The following DPP6 variants were observed in gnomAD, a reference collection of about 807,000 sequenced individuals.
DPP6 encodes the protein A-type potassium channel modulatory protein DPP6.
DPP6 carries 69 observed loss-of-function variants against 122.6 expected under a neutral mutation model. The observed-to-expected ratio is 0.56, with a 90% confidence interval of 0.46 to 0.69. The LOEUF (loss-of-function observed/expected upper bound fraction) is 0.69. Ranked by LOEUF, DPP6 falls within the 30% of genes least tolerant of loss-of-function variation. The pLI is 0.00. For missense variants in DPP6, 928 were observed against 1,116.9 expected, an observed-to-expected ratio of 0.83 and a Z score of 2.41; for synonymous variants, 418 against 433.1, an observed-to-expected ratio of 0.97 and a Z score of 0.43.
intron 1 of DPP6, among the ~76,000 whole-genome samples, chr7:154,433,489 G>A (rs904535068): frequency 4.6e-5 from 7 of 151,872 alleles, no homozygotes; most frequent in Admixed American, 4.6e-4. Context: ...TTGTTTATAA[G>A]CGTGTACTGG....
At chr7:154,098,379 A>G (rs11491622) in intron 1 of DPP6, among the ~76,000 whole-genome samples, 5,112 of 151,468 alleles carry the variant, frequency 0.034, 285 homozygotes, top group African/African-American at 0.12. Context: ...ACCCAGTATT[A>G]GGTATGTCTT....
At chr7:153,966,299 A>G (rs1795715173) in intron 1 of DPP6, among the ~76,000 whole-genome samples, 1 of 151,364 alleles carries the variant, frequency 6.6e-6, no homozygotes, top group African/African-American at 2.4e-5. Context: ...ATGTTTGTGC[A>G]TGTGTTCATG....
intron 8 of DPP6, among the ~76,000 whole-genome samples, chr7:154,740,803 C>T (rs1031563233): frequency 6.6e-6 from 1 of 152,178 alleles, no homozygotes; most frequent in Non-Finnish European, 1.5e-5. Context: ...CACCCCCACA[C>T]ACAGGACATT....
intron 6 of DPP6, among the ~76,000 whole-genome samples, chr7:154,664,486 C>A (rs995304849): frequency 1.3e-5 from 2 of 152,102 alleles, no homozygotes; most frequent in Non-Finnish European, 2.9e-5. Flanking sequence ...GCCCTCTGTG[C>A]TTAGAAAATT....
intron 1 of DPP6, among the ~76,000 whole-genome samples, chr7:154,128,126 C>T (rs1240831713): frequency 1.3e-5 from 2 of 150,636 alleles, no homozygotes; most frequent in African/African-American, 4.9e-5. Flanking sequence ...GGCCTCTCTG[C>T]CCCATGCATG....
chr7:154,800,909 G>C (rs1232392914), intron 12 of DPP6, among the ~76,000 whole-genome samples: 1 of 152,224 alleles, frequency 6.6e-6, no homozygotes. Context: ...GTTTGGGATT[G>C]TTGAGAATTA....
chr7:153,819,476 A>T, the DPP6 span, among the ~76,000 whole-genome samples: 2 of 151,628 alleles, frequency 1.3e-5, no homozygotes, highest in Non-Finnish European at 2.9e-5. Flanking sequence ...CTGTGACTGG[A>T]CTGAAACGTC....
At chr7:154,136,149 A>G (rs1383931506) in intron 1 of DPP6, among the ~76,000 whole-genome samples, 1 of 150,736 alleles carries the variant, frequency 6.6e-6, no homozygotes, top group East Asian at 1.9e-4. Context: ...CCTAAATACC[A>G]CTGGCCTCCC....
intron 1 of DPP6, among the ~76,000 whole-genome samples, chr7:154,373,702 T>G (rs778887151): frequency 1.6e-4 from 12 of 73,922 alleles, no homozygotes; most frequent in Admixed American, 8.1e-4. Context: ...GCATTTACAC[T>G]GCTGTGCAGG....
intron 1 of DPP6, among the ~76,000 whole-genome samples, chr7:154,021,188 C>T (rs750648944): frequency 9.8e-5 from 15 of 152,322 alleles, no homozygotes; most frequent in Non-Finnish European, 1.8e-4. Context: ...GAGGCTTCAG[C>T]ACTCTGCGAA....
chr7:154,558,862 A>G (rs550876937), intron 4 of DPP6, among the ~76,000 whole-genome samples: 1 of 152,356 alleles, frequency 6.6e-6, no homozygotes, highest in African/African-American at 2.4e-5. Context: ...TTTTTTAAAA[A>G]CCTTGAATAA....
intron 3 of DPP6, among the ~76,000 whole-genome samples, chr7:154,498,791 G>T (rs1824971577): frequency 6.6e-6 from 1 of 152,150 alleles, no homozygotes; most frequent in South Asian, 2.1e-4. Context: ...ATACATGCCT[G>T]CCCTCTACCC....
At chr7:154,078,535 G>A (rs990320168) in intron 1 of DPP6, among the ~76,000 whole-genome samples, 1 of 152,140 alleles carries the variant, frequency 6.6e-6, no homozygotes, top group African/African-American at 2.4e-5. Flanking sequence ...AGCTCATTTA[G>A]TGACAAAGTT....
At chr7:153,806,628 C>A in the DPP6 span, among the ~76,000 whole-genome samples, 1 of 152,122 alleles carries the variant, frequency 6.6e-6, no homozygotes, top group Non-Finnish European at 1.5e-5. Context: ...TTATTACTTA[C>A]ATGTCTCATC....
At chr7:153,953,136 T>C (rs1802298877) in intron 1 of DPP6, among the ~76,000 whole-genome samples, 2 of 152,200 alleles carry the variant, frequency 1.3e-5, no homozygotes, top group African/African-American at 2.4e-5. Flanking sequence ...ATATCAATAC[T>C]ACCATTATCT....
At chr7:154,848,476 A>G (rs1308967394) in intron 16 of DPP6, among the ~76,000 whole-genome samples, 1 of 152,182 alleles carries the variant, frequency 6.6e-6, no homozygotes, top group Non-Finnish European at 1.5e-5. Flanking sequence ...CTTCTTTGAC[A>G]AATTCAGGTC....
At chr7:153,967,523 G>C (rs568763565) in intron 1 of DPP6, among the ~76,000 whole-genome samples, 38 of 152,268 alleles carry the variant, frequency 2.5e-4, no homozygotes, top group African/African-American at 8.2e-4. Flanking sequence ...GAGTTGGTCC[G>C]TTGTCACATT....
At chr7:154,433,466 G>A (rs1818613991) in intron 1 of DPP6, among the ~76,000 whole-genome samples, 1 of 151,930 alleles carries the variant, frequency 6.6e-6, no homozygotes, top group Non-Finnish European at 1.5e-5. Flanking sequence ...CCCTCGCCCG[G>A]CCTCATACTT....
intron 8 of DPP6, among the ~76,000 whole-genome samples, chr7:154,746,200 G>A (rs563190115): frequency 2.6e-5 from 4 of 152,146 alleles, no homozygotes; most frequent in Non-Finnish European, 4.4e-5. Context: ...ATGTCATTGG[G>A]CCTCTGAGTT....
Sources: allele counts gnomAD v4.1 joint callset (sites outside exome capture counted in the v4.1 genomes callset), GRCh38; gene constraint gnomAD v4.1.1; transcripts MANE v1.5; gene names NCBI Gene and HGNC (gene_info 2026-07-23, HGNC 2026-07-21).